The following IGDCC3 variants were observed in gnomAD, a reference collection of about 807,000 sequenced individuals.
IGDCC3 encodes putative neuronal cell adhesion molecule.
Under a neutral mutation model 72.0 loss-of-function variants are expected in IGDCC3, and 47 were observed. That is an observed-to-expected ratio of 0.65 (90% CI 0.52 to 0.83). IGDCC3 has a LOEUF of 0.83. Ranked by LOEUF, IGDCC3 falls within the 40% of genes least tolerant of loss-of-function variation. The pLI is 0.00. For missense variants in IGDCC3, 1,038 were observed against 1,091.3 expected, an observed-to-expected ratio of 0.95 and a Z score of 0.69; for synonymous variants, 477 against 472.8, an observed-to-expected ratio of 1.01 and a Z score of -0.11.
At chr15:65,352,918 G>A (rs1172902797) in intron 2 of IGDCC3, among the ~76,000 whole-genome samples, 1 of 152,176 alleles carries the variant, frequency 6.6e-6, no homozygotes, top group African/African-American at 2.4e-5. Context: ...CTGCAATTTA[G>A]GCTAACTCTG....
intron 2 of IGDCC3, among the ~76,000 whole-genome samples, chr15:65,338,089 AAGC>A (rs1353730081): frequency 4.6e-5 from 7 of 152,310 alleles, no homozygotes; most frequent in South Asian, 2.1e-4. Context: ...CCTCAGCACT[AAGC>A]AGCCACAGCA....
Position 65,329,250 on chromosome 15 carries a change from A to G in IGDCC3, c.2206-102T>C. On this transcript the variant is annotated intron_variant, in intron 13 of 13. Coordinates refer to ENST00000327987, the MANE Select transcript of IGDCC3 (RefSeq NM_004884.4). This position sits in a 1 kb window ranked among gnomAD's most constrained non-coding sequence, Gnocchi z 4.1. ...TAGGGTCTCCAGGTCTCCCTGCCTG[A>G]CTCAGGGACACAAAGAGAAGACCTG... The G allele has an allele frequency of 1.3e-6, 2 of 1,501,416 alleles. No individual in the cohort carries two copies. The highest frequency in any genetic ancestry group is 1.8e-6 in the Non-Finnish European group (2 of 1,122,550). 93.0% of individuals were successfully genotyped at this position (1,501,416 alleles called of 1,614,324 possible).
intron 4 of IGDCC3, among the ~76,000 whole-genome samples, 161 bp from the exon 5 acceptor site, chr15:65,335,026 C>T (rs773272867): frequency 2.0e-5 from 3 of 152,276 alleles, no homozygotes; most frequent in Non-Finnish European, 4.4e-5. Flanking sequence ...TCCAGACATC[C>T]GTCCCTCTGC....
At chr15:65,351,248 T>A (rs933189857) in intron 2 of IGDCC3, among the ~76,000 whole-genome samples, 4 of 152,186 alleles carry the variant, frequency 2.6e-5, no homozygotes, top group Non-Finnish European at 5.9e-5. Context: ...TTTATAAGAA[T>A]CTTACCGGCT....
At chr15:65,372,531 C>A (rs569933190) in intron 2 of IGDCC3, among the ~76,000 whole-genome samples, 5 of 152,248 alleles carry the variant, frequency 3.3e-5, no homozygotes, top group Non-Finnish European at 7.3e-5. Context: ...GCATTTCCAA[C>A]CATCCGCCTC....
At chr15:65,374,089 T>G (rs2091343493) in intron 2 of IGDCC3, 1 of 152,164 alleles carries the variant, frequency 6.6e-6, no homozygotes, top group Admixed American at 6.5e-5. Flanking sequence ...TCAGTCGAGA[T>G]CGTGCCACTG....
In IGDCC3 at chr15:65,343,260, G is replaced by A. The variant is rs114265350; in HGVS notation, c.410-7304C>T. ...CTGAGAGATTGTGGAAGAGCAGGGC[G>A]GGGGGTCAGGAAGAAATGGTCGTGT... On this transcript the variant is annotated intron_variant, in intron 2 of 13. Transcript: ENST00000327987. Among the ~76,000 whole-genome samples, 693 of 152,282 alleles carry A rather than the reference G, an allele frequency of 4.6e-3. 6 individuals carry two copies. The highest frequency in any genetic ancestry group is 0.016 in the African/African-American group (661 of 41,560).
intron 1 of IGDCC3, among the ~76,000 whole-genome samples, chr15:65,376,600 C>CT (rs1398538876): frequency 6.7e-6 from 1 of 150,026 alleles, no homozygotes; most frequent in Non-Finnish European, 1.5e-5. Flanking sequence ...CGCCCAGCGC[C>CT]CCCCGCGCCC....
intron 2 of IGDCC3, among the ~76,000 whole-genome samples, chr15:65,372,787 G>C (rs936452842): frequency 2.0e-5 from 3 of 152,242 alleles, no homozygotes; most frequent in Non-Finnish European, 4.4e-5. Context: ...CGGGCAGGGA[G>C]TTATTACGAA....
At chr15:65,366,207 C>CAA (rs35152855) in intron 2 of IGDCC3, among the ~76,000 whole-genome samples, 44 of 76,604 alleles carry the variant, frequency 5.7e-4, no homozygotes, top group South Asian at 9.5e-4. Context: ...GACATTGTCT[C>CAA]AAAAAAAAAA....
chr15:65,353,754 A>G (rs530226452), intron 2 of IGDCC3, among the ~76,000 whole-genome samples: 1 of 152,218 alleles, frequency 6.6e-6, no homozygotes. Context: ...TACAAAGGCC[A>G]TGGCAACATC....
At chr15:65,367,065 C>T (rs183902602) in intron 2 of IGDCC3, among the ~76,000 whole-genome samples, 16 of 152,214 alleles carry the variant, frequency 1.1e-4, no homozygotes, top group East Asian at 1.9e-4. Context: ...TGGCCCAGGC[C>T]GGGTGCGGTG....
chr15:65,330,805 A>G, intron 9 of IGDCC3, 64 bp from the exon 10 acceptor site: 3 of 1,366,836 alleles, frequency 2.2e-6, no homozygotes, highest in South Asian at 2.7e-5. Context: ...TCTACCTTCC[A>G]CCTGTGACCC....
Position 65,329,001 on chromosome 15 carries a change from G to A in IGDCC3, c.2353C>T (p.Pro785Ser). ...PCAGLAAAPP[P>S]PDGGPGLLSE... ...AGGAGGCCAGGGCCTCCATCTGGGG[G>A]TGGTGGGGCAGCCGCCAGGCCGGCG... is the stretch of plus-strand genomic sequence containing the variant. The change falls in exon 14 of 14, where the codon CCC (proline) becomes TCC (serine). Residue 785 changes from proline (P) to serine (S), a missense_variant. By Grantham distance (74) the Pro-to-Ser change is moderately conservative. Transcript: ENST00000327987. This position sits in a 1 kb window ranked among gnomAD's most constrained non-coding sequence, Gnocchi z 4.1. The A allele has an allele frequency of 6.2e-7, 1 of 1,611,548 alleles. No individual in the cohort carries two copies. The highest frequency in any genetic ancestry group is 8.5e-7 in the Non-Finnish European group (1 of 1,179,134).
intron 1 of IGDCC3, 63 bp from the exon 2 acceptor site, chr15:65,375,465 A>G (rs2091353122): frequency 7.3e-7 from 1 of 1,361,370 alleles, no homozygotes; most frequent in African/African-American, 1.4e-5. Context: ...ACATCCAGGA[A>G]GAACTCCACC....
chr15:65,330,673 A>C lies in IGDCC3; in HGVS notation c.1630T>G (p.Trp544Gly), dbSNP rs141981389. Residue 544 changes from tryptophan to glycine, a missense_variant, in exon 10 of 14, where the codon TGG becomes GGG. By Grantham distance (184) the Trp-to-Gly change is radical. Coordinates refer to ENST00000327987, the MANE Select transcript of IGDCC3 (RefSeq NM_004884.4). ...CCCTCGTGCTGGGCCAGCCGGGGCCAAGGCTCCCACAGCAGCTGCAAGGAG... is the reference window on the plus strand; with the variant it reads ...CCCTCGTGCTGGGCCAGCCGGGGCCCAGGCTCCCACAGCAGCTGCAAGGAG... ...SSSLQLLWEPWPRLAQHEGGF... is the reference protein window; with the variant it reads ...SSSLQLLWEPGPRLAQHEGGF... 5 of 1,613,364 alleles carry C rather than the reference A, an allele frequency of 3.1e-6. No homozygotes were observed. The highest frequency in any genetic ancestry group is 2.7e-5 in the African/African-American group (2 of 74,896).
chr15:65,368,771 C>T (rs141152197), intron 2 of IGDCC3, among the ~76,000 whole-genome samples: 1 of 152,092 alleles, frequency 6.6e-6, no homozygotes, highest in Non-Finnish European at 1.5e-5. Flanking sequence ...GATCCTGCCC[C>T]GCGTGCATTA....
chr15:65,327,145 C>G lies in IGDCC3; in HGVS notation c.*1764G>C, dbSNP rs1454717855. On this transcript the variant is annotated 3_prime_UTR_variant, in exon 14 of 14. Transcript: ENST00000327987. ...CTCCAGGTTCACTTTGGCAACAGGA[C>G]TTTTATTCAGTCAAAATGAGCAGAG... 1 of 152,736 alleles carries G rather than the reference C, an allele frequency of 6.5e-6. No individual in the cohort carries two copies. Among genetic ancestry groups the G allele is most frequent in the African/African-American group, 2.4e-5 (1 of 41,460 alleles). 9.5% of individuals were successfully genotyped at this position (152,736 alleles called of 1,614,324 possible). A position where few individuals can be genotyped will look rare whatever the true frequency, so the allele number is the denominator to read the frequency against.
intron 2 of IGDCC3, among the ~76,000 whole-genome samples, chr15:65,348,500 C>T (rs2091145462): frequency 6.6e-6 from 1 of 152,186 alleles, no homozygotes. Flanking sequence ...ACCGAGGAGA[C>T]ACCCCAACCC....
Sources: allele counts gnomAD v4.1 joint callset (sites outside exome capture counted in the v4.1 genomes callset), GRCh38; gene constraint gnomAD v4.1.1; non-coding constraint Gnocchi (gnomAD v3.1); transcripts MANE v1.5; gene names NCBI Gene and HGNC (gene_info 2026-07-23, HGNC 2026-07-21).